Variants in OPCML observed in about 807,000 individuals in gnomAD.
OPCML encodes opioid-binding protein/cell adhesion molecule.
Under a neutral mutation model 37.8 loss-of-function variants are expected in OPCML, and 13 were observed. That is an observed-to-expected ratio of 0.34 (90% CI 0.22 to 0.55). The LOEUF is 0.55. Among genes scored for constraint, OPCML ranks in the 20% least tolerant of loss-of-function variants. The probability of loss-of-function intolerance (pLI) is 0.91; values close to 1 mark genes in which losing one functional copy is unlikely to be tolerated. For synonymous variants in OPCML, 176 were observed against 168.8 expected, an observed-to-expected ratio of 1.04 and a Z score of -0.33; for missense variants, 341 against 435.6, an observed-to-expected ratio of 0.78 and a Z score of 1.93.
At chr11:132,479,960 G>T (rs561851878) in intron 4 of OPCML, among the ~76,000 whole-genome samples, 4 of 152,184 alleles carry the variant, frequency 2.6e-5, no homozygotes, top group South Asian at 2.1e-4. Context: ...AAAGCAGAGC[G>T]CCTCTCCTCC....
chr11:133,329,824 T>G (rs1479753158), intron 1 of OPCML, among the ~76,000 whole-genome samples: 1 of 152,130 alleles, frequency 6.6e-6, no homozygotes, highest in East Asian at 1.9e-4. Flanking sequence ...CAACAAAAGC[T>G]AAAATTGACA....
intron 2 of OPCML, among the ~76,000 whole-genome samples, chr11:132,821,411 G>A (rs559010176): frequency 7.2e-5 from 11 of 152,306 alleles, no homozygotes; most frequent in African/African-American, 2.6e-4. Context: ...AGAGACCAGA[G>A]CCACCTATTC....
intron 1 of OPCML, among the ~76,000 whole-genome samples, chr11:133,110,652 T>C (rs1949235751): frequency 6.6e-6 from 1 of 152,154 alleles, no homozygotes. Flanking sequence ...CTGGGTTCAG[T>C]GTGTTTCATT....
chr11:133,307,613 T>A (rs1942958705), intron 1 of OPCML, among the ~76,000 whole-genome samples: 1 of 152,130 alleles, frequency 6.6e-6, no homozygotes, highest in Non-Finnish European at 1.5e-5. Flanking sequence ...TGACCCTCCA[T>A]ATTAGACCCA....
At position 133,160,335 on chromosome 11, in the gene OPCML, G is replaced by A. The variant is rs562531507; in HGVS notation, c.62-217325C>T. Among the ~76,000 whole-genome samples, 55 of 152,134 alleles carry A rather than the reference G, an allele frequency of 3.6e-4. 1 individual carries two copies. Among genetic ancestry groups the A allele is most frequent in the Non-Finnish European group, 6.6e-4 (45 of 68,022 alleles). ...AATTGAGCACTTACTATGTGCAGGCGTTCATGTGACACTCCCAATTCCTGC... is the reference window on the plus strand; with the variant it reads ...AATTGAGCACTTACTATGTGCAGGCATTCATGTGACACTCCCAATTCCTGC... On this transcript the variant is annotated intron_variant, in intron 1 of 7. Transcript: ENST00000524381.
At chr11:133,390,675 T>C (rs991602437) in intron 1 of OPCML, among the ~76,000 whole-genome samples, 3 of 151,936 alleles carry the variant, frequency 2.0e-5, no homozygotes, top group African/African-American at 7.3e-5. Flanking sequence ...CTTGGTACAG[T>C]GGGAAGGCTT....
At chr11:132,517,090 C>T (rs1359036194) in intron 4 of OPCML, among the ~76,000 whole-genome samples, 1 of 152,118 alleles carries the variant, frequency 6.6e-6, no homozygotes, top group Non-Finnish European at 1.5e-5. Context: ...GTACGTGTCT[C>T]CCCATTCTAC....
intron 3 of OPCML, among the ~76,000 whole-genome samples, chr11:132,652,822 G>C (rs1276289186): frequency 1.3e-5 from 2 of 152,182 alleles, no homozygotes; most frequent in African/African-American, 2.4e-5. Context: ...CCTGCCACCT[G>C]TATCTGCAGG....
At chr11:132,510,714 G>T (rs186924594) in intron 4 of OPCML, among the ~76,000 whole-genome samples, 1 of 152,148 alleles carries the variant, frequency 6.6e-6, no homozygotes, top group Non-Finnish European at 1.5e-5. Flanking sequence ...ATGTGGAACT[G>T]TTAAGTCCAA....
At chr11:132,962,013 A>G in intron 1 of OPCML, among the ~76,000 whole-genome samples, 1 of 152,236 alleles carries the variant, frequency 6.6e-6, no homozygotes, top group East Asian at 1.9e-4. Flanking sequence ...CATTTGACCT[A>G]GTTGAGTCCA....
intron 1 of OPCML, among the ~76,000 whole-genome samples, chr11:133,468,346 G>A (rs11828375): frequency 0.13 from 20,162 of 152,156 alleles, 3,199 homozygotes; most frequent in African/African-American, 0.38. Context: ...GACAGGCAGC[G>A]GAGACAGATG....
intron 1 of OPCML, among the ~76,000 whole-genome samples, chr11:133,089,747 G>C (rs953061580): frequency 3.3e-5 from 5 of 151,052 alleles, no homozygotes; most frequent in Non-Finnish European, 7.4e-5. Flanking sequence ...TTGAGAAGGG[G>C]GGACTTCAAC....
intron 1 of OPCML, among the ~76,000 whole-genome samples, chr11:133,085,985 T>C (rs186339979): frequency 4.1e-5 from 6 of 148,098 alleles, no homozygotes; most frequent in African/African-American, 1.5e-4. Context: ...TTGAAATCCT[T>C]CTTTGCTTTA....
At chr11:132,557,963 A>G (rs188525826) in intron 3 of OPCML, among the ~76,000 whole-genome samples, 255 of 152,250 alleles carry the variant, frequency 1.7e-3, no homozygotes, top group African/African-American at 6.0e-3. Context: ...TATCAGGTGG[A>G]ACAAATGAGA....
intron 1 of OPCML, among the ~76,000 whole-genome samples, chr11:133,347,071 A>G (rs1408063388): frequency 2.0e-5 from 3 of 152,220 alleles, no homozygotes; most frequent in Non-Finnish European, 4.4e-5. Context: ...GTATTATGTT[A>G]AGCACAAAGT....
chr11:133,417,951 AC>A (rs1473092120), intron 1 of OPCML, among the ~76,000 whole-genome samples: 1 of 152,066 alleles, frequency 6.6e-6, no homozygotes, highest in African/African-American at 2.4e-5. Flanking sequence ...GGAAAAAAAA[AC>A]AGAAAAGCAG....
At chr11:133,038,218 C>T (rs1312208136) in intron 1 of OPCML, among the ~76,000 whole-genome samples, 2 of 152,230 alleles carry the variant, frequency 1.3e-5, no homozygotes, top group Non-Finnish European at 2.9e-5. Context: ...TTCCCACACC[C>T]AGCCATGCCA....
intron 1 of OPCML, among the ~76,000 whole-genome samples, chr11:133,171,018 G>A (rs1432401272): frequency 6.6e-6 from 1 of 152,206 alleles, no homozygotes; most frequent in Non-Finnish European, 1.5e-5. Context: ...GTAGGAATGA[G>A]GCTCAGCCTG....
At chr11:133,239,175 C>T (rs557566177) in intron 1 of OPCML, among the ~76,000 whole-genome samples, 145 of 152,316 alleles carry the variant, frequency 9.5e-4, no homozygotes, top group African/African-American at 3.4e-3. Flanking sequence ...GGGAATTACC[C>T]GCTAACTTTG....
Sources: gnomAD v4.1 joint callset for allele counts (sites outside exome capture counted in the v4.1 genomes callset) on GRCh38, gnomAD v4.1.1 for gene constraint, MANE v1.5 for transcripts, NCBI Gene and HGNC (gene_info 2026-07-23, HGNC 2026-07-21) for gene names.